FTO: variants seen among roughly 807,000 people sequenced by gnomAD.
The protein encoded by FTO is alpha-ketoglutarate-dependent dioxygenase FTO.
A neutral mutation model predicts 63.9 loss-of-function variants in FTO; 47 were observed. That is an observed-to-expected ratio of 0.74 (90% CI 0.58 to 0.94). The LOEUF (loss-of-function observed/expected upper bound fraction) is 0.94, where lower values mean the gene tolerates loss of function less well. FTO is among the 40% of genes least tolerant of loss of function. The pLI, the probability that FTO is intolerant of heterozygous loss-of-function variation, is 0.00. For missense variants in FTO, 562 were observed against 618.1 expected (o/e 0.91, Z 0.96); for synonymous variants, 207 against 224.4 (o/e 0.92, Z 0.69).
intron 8 of FTO, among the ~76,000 whole-genome samples, chr16:54,109,681 G>T (rs769364246): frequency 3.3e-4 from 51 of 152,354 alleles, no homozygotes; most frequent in Admixed American, 9.1e-4. Flanking sequence ...CTGTGAAACA[G>T]CTTCGCCCAA....
intron 1 of FTO, among the ~76,000 whole-genome samples, chr16:53,756,957 G>T (rs2076937677): frequency 6.6e-6 from 1 of 152,174 alleles, no homozygotes; most frequent in African/African-American, 2.4e-5. Context: ...TAATCTGAAA[G>T]CAAGTTTTGT....
chr16:53,771,126 T>C (rs1181097519), intron 1 of FTO, among the ~76,000 whole-genome samples: 2 of 152,132 alleles, frequency 1.3e-5, no homozygotes, highest in Admixed American at 6.6e-5. Context: ...CAACTGCTTC[T>C]GATGATTAAA....
intron 1 of FTO, among the ~76,000 whole-genome samples, chr16:53,718,386 ATTC>A (rs1378135960): frequency 3.3e-5 from 5 of 152,160 alleles, no homozygotes; most frequent in Non-Finnish European, 7.4e-5. Context: ...TACAGAATGC[ATTC>A]TTATCATTCT....
intron 7 of FTO, among the ~76,000 whole-genome samples, chr16:53,908,741 C>T (rs920696690): frequency 2.6e-5 from 4 of 152,290 alleles, no homozygotes; most frequent in African/African-American, 7.2e-5. Context: ...AGTCACAATC[C>T]GGCCTGAAGG....
chr16:54,021,564 A>G (rs1376358004), intron 8 of FTO, among the ~76,000 whole-genome samples: 2 of 152,126 alleles, frequency 1.3e-5, no homozygotes, highest in African/African-American at 4.8e-5. Context: ...ATCTCGGCTC[A>G]CTGCAACCTC....
intron 8 of FTO, among the ~76,000 whole-genome samples, chr16:53,967,341 G>T (rs1165808365): frequency 6.6e-6 from 1 of 152,070 alleles, no homozygotes; most frequent in African/African-American, 2.4e-5. Context: ...GCAACGCTGG[G>T]TAGTCAGCTG....
chr16:53,970,734 C>T (rs1184023931), intron 8 of FTO, among the ~76,000 whole-genome samples: 1 of 152,008 alleles, frequency 6.6e-6, no homozygotes, highest in Non-Finnish European at 1.5e-5. Flanking sequence ...GGTGTGGGCC[C>T]AGGATTGCAA....
intron 8 of FTO, among the ~76,000 whole-genome samples, chr16:54,019,362 TTG>T: frequency 6.6e-6 from 1 of 152,366 alleles, no homozygotes; most frequent in South Asian, 2.1e-4. Context: ...GTGGGAATGG[TTG>T]TTGAGGCACC....
intron 1 of FTO, among the ~76,000 whole-genome samples, chr16:53,760,040 A>C (rs185629666): frequency 6.6e-6 from 1 of 152,158 alleles, no homozygotes; most frequent in East Asian, 1.9e-4. Flanking sequence ...TTGACTTCCA[A>C]CTAGTCTTCC....
At chr16:53,883,450 G>A (rs13337505) in intron 6 of FTO, among the ~76,000 whole-genome samples, 4,700 of 151,922 alleles carry the variant, frequency 0.031, 242 homozygotes, top group African/African-American at 0.11. Context: ...GTGAAACCCC[G>A]TTTCTACTAA....
chr16:54,032,322 A>G (rs527435023), intron 8 of FTO, among the ~76,000 whole-genome samples: 1 of 152,254 alleles, frequency 6.6e-6, no homozygotes, highest in Non-Finnish European at 1.5e-5. Flanking sequence ...GAACGAGCCA[A>G]GAGTGATTCT....
At chr16:54,024,155 G>A (rs1386431867) in intron 8 of FTO, among the ~76,000 whole-genome samples, 2 of 152,128 alleles carry the variant, frequency 1.3e-5, no homozygotes, top group Admixed American at 1.3e-4. Flanking sequence ...GAATTATTAA[G>A]TAAAAGGTAT....
At chr16:54,030,688 G>A (rs1304183876) in intron 8 of FTO, among the ~76,000 whole-genome samples, 3 of 152,108 alleles carry the variant, frequency 2.0e-5, no homozygotes, top group African/African-American at 7.2e-5. Context: ...ATCAGGAATC[G>A]AAAGACATCT....
intron 1 of FTO, among the ~76,000 whole-genome samples, chr16:53,744,831 C>A: frequency 1.4e-5 from 1 of 70,604 alleles, no homozygotes; most frequent in East Asian, 3.1e-4. Flanking sequence ...TTCTTCCCCC[C>A]CCCCATATAT....
At chr16:53,846,636 C>G (rs1438206566) in intron 4 of FTO, among the ~76,000 whole-genome samples, 1 of 151,668 alleles carries the variant, frequency 6.6e-6, no homozygotes, top group East Asian at 1.9e-4. Flanking sequence ...CCCCCCGTCT[C>G]CACTAAAAAT....
chr16:54,008,565 G>A (rs962514891), intron 8 of FTO: 6 of 151,900 alleles, frequency 3.9e-5, no homozygotes, highest in Non-Finnish European at 8.8e-5. Context: ...ATTTGACCAA[G>A]AAATACCTTC....
chr16:53,935,781 T>C (rs1398701268), intron 8 of FTO: 1 of 152,190 alleles, frequency 6.6e-6, no homozygotes, highest in Non-Finnish European at 1.5e-5. Flanking sequence ...AATTTTAAAA[T>C]TTTCTCTGTA....
chr16:53,709,317 C>T (rs975914575), intron 1 of FTO, among the ~76,000 whole-genome samples: 9 of 152,170 alleles, frequency 5.9e-5, no homozygotes, highest in South Asian at 2.1e-4. Context: ...GGTATTCATG[C>T]ATTTTTAAAA....
At chr16:53,870,708 C>T (rs1395470488) in intron 4 of FTO, among the ~76,000 whole-genome samples, 1 of 152,080 alleles carries the variant, frequency 6.6e-6, no homozygotes, top group East Asian at 1.9e-4. Context: ...CCTCAGAATA[C>T]ATTGTTATTA....
Sources: gnomAD v4.1 joint callset for allele counts (sites outside exome capture counted in the v4.1 genomes callset) on GRCh38, gnomAD v4.1.1 for gene constraint, MANE v1.5 for transcripts, NCBI Gene and HGNC (gene_info 2026-07-23, HGNC 2026-07-21) for gene names.